The following MSRB3 variants were observed in gnomAD, a reference collection of about 807,000 sequenced individuals.
MSRB3 encodes methionine-R-sulfoxide reductase B3.
In MSRB3, 13 loss-of-function variants were observed where a neutral mutation model predicts 21.0. The ratio of observed to expected loss-of-function variants is 0.62; its 90% CI spans 0.40 to 0.98. The LOEUF is 0.98. Among genes scored for constraint, MSRB3 ranks in the 50% least tolerant of loss-of-function variants. The pLI is 0.00. For missense variants in MSRB3, 199 were observed against 230.3 expected, an observed-to-expected ratio of 0.86 and a Z score of 0.88; for synonymous variants, 87 against 88.6, an observed-to-expected ratio of 0.98 and a Z score of 0.10.
intron 5 of MSRB3, among the ~76,000 whole-genome samples, chr12:65,451,753 C>A (rs907418152): frequency 6.6e-6 from 1 of 152,180 alleles, no homozygotes; most frequent in African/African-American, 2.4e-5. Flanking sequence ...CTAAATTAGT[C>A]TGTAAGGAGT....
At chr12:65,415,326 G>A (rs1003334946) in intron 5 of MSRB3, among the ~76,000 whole-genome samples, 21 of 152,134 alleles carry the variant, frequency 1.4e-4, no homozygotes, top group Non-Finnish European at 2.6e-4. Context: ...CTTTCCATGA[G>A]CTATGAGAAA....
intron 4 of MSRB3, among the ~76,000 whole-genome samples, chr12:65,360,875 A>G (rs1035286961): frequency 4.6e-5 from 7 of 152,096 alleles, no homozygotes; most frequent in African/African-American, 1.7e-4. Context: ...AACAAATAAG[A>G]TTGCTTTTCC....
intron 5 of MSRB3, among the ~76,000 whole-genome samples, chr12:65,435,394 C>A (rs1882069672): frequency 6.6e-6 from 1 of 151,764 alleles, no homozygotes; most frequent in Non-Finnish European, 1.5e-5. Flanking sequence ...TTTATTTAGC[C>A]ATTTCTATAG....
At chr12:65,394,911 C>G (rs1420355744) in intron 5 of MSRB3, among the ~76,000 whole-genome samples, 1 of 152,154 alleles carries the variant, frequency 6.6e-6, no homozygotes, top group East Asian at 1.9e-4. Context: ...TAGAAGAAAA[C>G]TTCCTAACTC....
At chr12:65,325,780 C>T (rs17101263) in intron 2 of MSRB3, among the ~76,000 whole-genome samples, 13,301 of 152,178 alleles carry the variant, frequency 0.087, 1,988 homozygotes, top group African/African-American at 0.3. Flanking sequence ...ATCTGCAGGC[C>T]TCTTTCCCAC....
chr12:65,363,130 A>G (rs1877806101), intron 4 of MSRB3, among the ~76,000 whole-genome samples: 1 of 152,196 alleles, frequency 6.6e-6, no homozygotes, highest in Non-Finnish European at 1.5e-5. Context: ...TTTAGTTGAT[A>G]TCAGTTAAAA....
At chr12:65,344,123 G>A (rs1876328135) in intron 4 of MSRB3, 1 of 152,112 alleles carries the variant, frequency 6.6e-6, no homozygotes, top group South Asian at 2.1e-4. Flanking sequence ...TAAATGTGAA[G>A]CATTGATACT....
chr12:65,382,192 G>C (rs1018508126), intron 5 of MSRB3, among the ~76,000 whole-genome samples: 1 of 151,976 alleles, frequency 6.6e-6, no homozygotes, highest in African/African-American at 2.4e-5. Flanking sequence ...AGATAAAAGA[G>C]ACAAGAAAAT....
At chr12:65,387,234 T>G (rs1156965516) in intron 5 of MSRB3, among the ~76,000 whole-genome samples, 2 of 152,114 alleles carry the variant, frequency 1.3e-5, no homozygotes, top group Non-Finnish European at 2.9e-5. Flanking sequence ...CTAAAGAGTC[T>G]ACACATTTTT....
chr12:65,296,060 CATTTT>C (rs1872943256), intron 1 of MSRB3, among the ~76,000 whole-genome samples: 2 of 152,260 alleles, frequency 1.3e-5, no homozygotes, highest in South Asian at 4.1e-4. Context: ...GTCAAATACT[CATTTT>C]ATTAGTGTAT....
At chr12:65,393,952 A>G (rs1879634689) in intron 5 of MSRB3, among the ~76,000 whole-genome samples, 1 of 152,122 alleles carries the variant, frequency 6.6e-6, no homozygotes, top group Non-Finnish European at 1.5e-5. Context: ...ATTTATCCAT[A>G]ATATCCCTTT....
chr12:65,387,357 AGT>A (rs1004110163), intron 5 of MSRB3, among the ~76,000 whole-genome samples: 1 of 149,408 alleles, frequency 6.7e-6, no homozygotes, highest in African/African-American at 2.6e-5. Flanking sequence ...ACAGTCGCTG[AGT>A]GTTACTATTA....
At chr12:65,292,436 G>GTCATAGTCA (rs1872717053) in intron 1 of MSRB3, among the ~76,000 whole-genome samples, 2 of 140,238 alleles carry the variant, frequency 1.4e-5, no homozygotes, top group African/African-American at 6.6e-5. Context: ...CGTTGTCATT[G>GTCATAGTCA]TCATCGTCAT....
intron 4 of MSRB3, among the ~76,000 whole-genome samples, chr12:65,362,769 G>C (rs922973108): frequency 3.9e-5 from 6 of 152,164 alleles, no homozygotes; most frequent in African/African-American, 1.4e-4. Flanking sequence ...GTATAGTAGA[G>C]TGGGGGAGGG....
intron 5 of MSRB3, among the ~76,000 whole-genome samples, chr12:65,369,693 T>A (rs1270308769): frequency 1.3e-5 from 2 of 152,196 alleles, no homozygotes; most frequent in Non-Finnish European, 2.9e-5. Flanking sequence ...AAGTTTCTGA[T>A]GGCATTTACA....
At position 65,465,706 on chromosome 12, in the gene MSRB3, G is replaced by C. The variant is rs1031755132; in HGVS notation, c.*2384G>C. 1 of 152,112 alleles carries C rather than the reference G, an allele frequency of 6.6e-6. No homozygotes were observed. Among genetic ancestry groups the C allele is most frequent in the Non-Finnish European group, 1.5e-5 (1 of 68,022 alleles). The allele number at this position is 152,112 out of a possible 1,614,324, so 9.4% of individuals were successfully genotyped here. Reference sequence around the variant, plus strand: ...TCAGGTTCCAAGACATTTCACCCCAGGCCCTGGGTTCACTCTGGAATTCGT... The same window carrying C: ...TCAGGTTCCAAGACATTTCACCCCACGCCCTGGGTTCACTCTGGAATTCGT... On this transcript the variant is annotated 3_prime_UTR_variant, in exon 7 of 7. Transcript: ENST00000308259.
At chr12:65,403,747 G>A (rs1335467636) in intron 5 of MSRB3, among the ~76,000 whole-genome samples, 2 of 152,166 alleles carry the variant, frequency 1.3e-5, no homozygotes, top group East Asian at 3.9e-4. Context: ...GGCACCTGAG[G>A]GAATCTCCTG....
intron 2 of MSRB3, among the ~76,000 whole-genome samples, chr12:65,322,537 C>T (rs187735852): frequency 5.3e-5 from 8 of 151,552 alleles, no homozygotes; most frequent in Non-Finnish European, 1.2e-4. Flanking sequence ...CGTCTGTAAT[C>T]CCAGCCACTC....
rs530028186 is a variant in MSRB3, at chr12:65,382,267, A to G, written c.292+13241A>G. ...CACAAAACAACAATGTAAAGATTCA[A>G]GTTTTATGGCCTATCAGTGGTTTTT... On this transcript the variant is annotated intron_variant, in intron 5 of 6. Coordinates refer to ENST00000308259, the MANE Select transcript of MSRB3 (RefSeq NM_001031679.3). Among the ~76,000 whole-genome samples the G allele has an allele frequency of 4.6e-5, 7 of 152,184 alleles. No homozygotes were observed. The South Asian group carries it at 1.5e-3, about 32-fold the overall frequency.
Sources: gnomAD v4.1 joint callset for allele counts (sites outside exome capture counted in the v4.1 genomes callset) on GRCh38, gnomAD v4.1.1 for gene constraint, MANE v1.5 for transcripts, NCBI Gene and HGNC (gene_info 2026-07-23, HGNC 2026-07-21) for gene names.